Variants in CRISPLD1 observed in about 807,000 individuals in gnomAD.
CRISPLD1 encodes the protein cysteine-rich secretory protein LCCL domain-containing 1.
In CRISPLD1, 60 loss-of-function variants were observed where a neutral mutation model predicts 77.5. That is an observed-to-expected ratio of 0.77 (90% confidence interval 0.63 to 0.96). The LOEUF (loss-of-function observed/expected upper bound fraction) is 0.96. Ranked by LOEUF, CRISPLD1 falls within the 40% of genes least tolerant of loss-of-function variation. CRISPLD1 has a pLI of 0.00. For synonymous variants in CRISPLD1, 195 were observed against 200.1 expected, an observed-to-expected ratio of 0.97 and a Z score of 0.22; for missense variants, 623 against 615.8, an observed-to-expected ratio of 1.01 and a Z score of -0.12.
chr8:74,990,645 TG>T (rs1159738315), intron 2 of CRISPLD1, among the ~76,000 whole-genome samples: 2 of 117,618 alleles, frequency 1.7e-5, no homozygotes, highest in African/African-American at 8.7e-5. Context: ...GATATAATAC[TG>T]CACACTGCAA....
chr8:75,029,378 C>T lies in CRISPLD1; in HGVS notation c.1321-9C>T. On this transcript the variant is annotated splice_polypyrimidine_tract_variant and intron_variant, in intron 13 of 14. Coordinates refer to ENST00000262207, the MANE Select transcript of CRISPLD1 (RefSeq NM_031461.6). ...CCAATAATGGCAGTTTGTTTCTTTACCTTCTCAGCTGTCCAGTATCTGCAG... is the reference window on the plus strand; with the variant it reads ...CCAATAATGGCAGTTTGTTTCTTTATCTTCTCAGCTGTCCAGTATCTGCAG... The T allele has an allele frequency of 6.2e-7, 1 of 1,607,128 alleles. No individual in the cohort carries two copies. Among genetic ancestry groups the T allele is most frequent in the Non-Finnish European group, 8.5e-7 (1 of 1,177,522 alleles).
intron 13 of CRISPLD1, among the ~76,000 whole-genome samples, chr8:75,026,199 C>T (rs1813232880): frequency 6.6e-6 from 1 of 152,138 alleles, no homozygotes; most frequent in Non-Finnish European, 1.5e-5. Flanking sequence ...CCTCCTGCCT[C>T]AGCCTCCCAA....
At chr8:74,988,531 TTTAGGG>T (rs1812528193) in intron 2 of CRISPLD1, among the ~76,000 whole-genome samples, 1 of 152,106 alleles carries the variant, frequency 6.6e-6, no homozygotes, top group African/African-American at 2.4e-5. Context: ...TCATTTAACT[TTTAGGG>T]TTAAAAATTG....
chr8:75,017,060 G>A lies in CRISPLD1; in HGVS notation c.943G>A (p.Ala315Thr), dbSNP rs1190189091. The change falls in exon 9 of 15, where the codon GCT (alanine) becomes ACT (threonine). Residue 315 changes from alanine (A) to threonine (T), a missense_variant. By Grantham distance (58) the Ala-to-Thr change is moderately conservative. Coordinates refer to ENST00000262207, the MANE Select transcript of CRISPLD1 (RefSeq NM_031461.6). ...GTTCNRYECP[A>T]GCLDSKAKVI... is the part of the protein sequence containing the mutation. The stretch of plus-strand genomic sequence containing the variant: ...ACTTTTATTTAGGTACGAATGTCCT[G>A]CTGGCTGTTTGGATAGTAAAGCTAA... 2 of 1,612,430 alleles carry A rather than the reference G, an allele frequency of 1.2e-6. No homozygotes were observed. Among genetic ancestry groups the A allele is most frequent in the Non-Finnish European group, 1.7e-6 (2 of 1,179,130 alleles).
intron 2 of CRISPLD1, among the ~76,000 whole-genome samples, chr8:75,009,227 C>T (rs1812887215): frequency 6.6e-6 from 1 of 152,010 alleles, no homozygotes; most frequent in Non-Finnish European, 1.5e-5. Context: ...GAAGAACTCA[C>T]ATCTCTGGAG....
intron 10 of CRISPLD1, 54 bp from the exon 11 acceptor site, chr8:75,019,816 C>A (rs1018074552): frequency 1.5e-6 from 2 of 1,370,998 alleles, no homozygotes; most frequent in African/African-American, 2.8e-5. Context: ...AGAAATGATG[C>A]TGCTGCTGAT....
chr8:75,005,953 C>A (rs1812822923), intron 2 of CRISPLD1, among the ~76,000 whole-genome samples: 1 of 152,092 alleles, frequency 6.6e-6, no homozygotes, highest in South Asian at 2.1e-4. Flanking sequence ...GGTACAGGTG[C>A]AGGTTTGTTA....
rs1279904568 is a variant in CRISPLD1 at position 75,033,625 on chromosome 8, ATGAG to A, written c.*1385_*1388del. Reference sequence around the variant, plus strand: ...TACTTCAAATACTTTTAGGAAGTAAATGAGTAGGAGTTTAGGAGGGATAAACGAG... The same window carrying A: ...TACTTCAAATACTTTTAGGAAGTAAATAGGAGTTTAGGAGGGATAAACGAG... On this transcript the variant is annotated 3_prime_UTR_variant, in exon 15 of 15. Transcript: ENST00000262207. 1 of 152,012 alleles carries A rather than the reference ATGAG, an allele frequency of 6.6e-6. No individual in the cohort carries two copies. The highest frequency in any genetic ancestry group is 2.4e-5 in the African/African-American group (1 of 41,444). The allele number at this position is 152,012 out of a possible 1,614,324, so 9.4% of individuals were successfully genotyped here.
At chr8:75,005,430 TCTTC>T (rs1812812295) in intron 2 of CRISPLD1, among the ~76,000 whole-genome samples, 1 of 152,116 alleles carries the variant, frequency 6.6e-6, no homozygotes, top group Non-Finnish European at 1.5e-5. Flanking sequence ...GAAAGAGAAC[TCTTC>T]CAGGGTGTTT....
intron 13 of CRISPLD1, among the ~76,000 whole-genome samples, chr8:75,025,954 T>C (rs1813227624): frequency 7.2e-5 from 11 of 152,218 alleles, no homozygotes; most frequent in Admixed American, 7.2e-4. Flanking sequence ...AACTGGATAA[T>C]TAAGAATTTG....
At chr8:74,998,761 G>A (rs1812686606) in intron 2 of CRISPLD1, among the ~76,000 whole-genome samples, 1 of 149,966 alleles carries the variant, frequency 6.7e-6, no homozygotes, top group Non-Finnish European at 1.5e-5. Context: ...TTATTTCAAG[G>A]TATTGCCAGG....
chr8:75,029,509 C>T lies in CRISPLD1; in HGVS notation c.1443C>T (p.Phe481=), dbSNP rs1813296832. ...TTGCTTCTTTTCAGAATGGAATCTT[C>T]TCAGAAAGGTAAAAACAAAACATAT... ...TYIASFQNGI[F]SESLQNPPGG... The change falls in exon 14 of 15, where the codon TTC becomes TTT. Residue 481 remains phenylalanine, a synonymous_variant. Coordinates refer to ENST00000262207, the MANE Select transcript of CRISPLD1 (RefSeq NM_031461.6). The T allele has an allele frequency of 6.2e-7, 1 of 1,613,418 alleles. No homozygotes were observed. Among genetic ancestry groups the T allele is most frequent in the East Asian group, 2.2e-5 (1 of 44,864 alleles).
intron 13 of CRISPLD1, among the ~76,000 whole-genome samples, chr8:75,026,220 G>A (rs1813233424): frequency 6.6e-6 from 1 of 152,068 alleles, no homozygotes; most frequent in Admixed American, 6.6e-5. Context: ...GTAACTAGAA[G>A]AACAAATACA....
At chr8:75,000,332 G>A in intron 2 of CRISPLD1, 1 of 985,360 alleles carries the variant, frequency 1.0e-6, no homozygotes, top group East Asian at 1.1e-4. Flanking sequence ...CTTGAAGGAA[G>A]ATGGAATAAG....
chr8:75,005,095 G>A (rs1350372229), intron 2 of CRISPLD1, among the ~76,000 whole-genome samples: 1 of 152,008 alleles, frequency 6.6e-6, no homozygotes, highest in East Asian at 1.9e-4. Context: ...TCACAAAACG[G>A]CTTCTCAAAC....
chr8:75,002,615 G>A (rs1812764419), intron 2 of CRISPLD1, among the ~76,000 whole-genome samples: 1 of 151,874 alleles, frequency 6.6e-6, no homozygotes, highest in Admixed American at 6.6e-5. Flanking sequence ...GTGAAGACAG[G>A]TGCCTGGAAG....
At chr8:75,000,522 C>A in intron 2 of CRISPLD1, 1 of 668,050 alleles carries the variant, frequency 1.5e-6, no homozygotes, top group Non-Finnish European at 1.8e-6. Context: ...AAGCCTGCTG[C>A]CCTTTGCAGA....
At position 75,033,788 on chromosome 8, in the gene CRISPLD1, G is replaced by A. The variant is rs1813395979; in HGVS notation, c.*1546G>A. 1 of 151,862 alleles carries A rather than the reference G, an allele frequency of 6.6e-6. No homozygotes were observed. Among genetic ancestry groups the A allele is most frequent in the Non-Finnish European group, 1.5e-5 (1 of 67,894 alleles). The allele number at this position is 151,862 out of a possible 1,614,324, so 9.4% of individuals were successfully genotyped here. On this transcript the variant is annotated 3_prime_UTR_variant, in exon 15 of 15. Transcript: ENST00000262207. Reference sequence around the variant, plus strand: ...ATTTTTGATCATATAATAAGTACTGGCTTACAGCTAAGTGGTTCCAAATAC... The same window carrying A: ...ATTTTTGATCATATAATAAGTACTGACTTACAGCTAAGTGGTTCCAAATAC...
intron 14 of CRISPLD1, among the ~76,000 whole-genome samples, chr8:75,030,763 T>C (rs985864901): frequency 1.5e-5 from 2 of 134,456 alleles, no homozygotes; most frequent in South Asian, 2.4e-4. Flanking sequence ...TATATGTGTG[T>C]ATATGTATAT....
Sources: allele counts gnomAD v4.1 joint callset (sites outside exome capture counted in the v4.1 genomes callset), GRCh38; gene constraint gnomAD v4.1.1; transcripts MANE v1.5; gene names NCBI Gene and HGNC (gene_info 2026-07-23, HGNC 2026-07-21).